Variants in KIRREL3 observed in about 807,000 individuals in gnomAD.
KIRREL3 encodes kirre like nephrin family adhesion molecule 3, also known as kin of IRRE-like protein 3.
KIRREL3 carries 36 observed loss-of-function variants against 89.7 expected under a neutral mutation model. The observed-to-expected ratio is 0.40, with a 90% confidence interval of 0.31 to 0.53. The LOEUF is 0.53. Among genes scored for constraint, KIRREL3 ranks in the 20% least tolerant of loss-of-function variants. The pLI is 0.49. For synonymous variants in KIRREL3, 445 were observed against 441.4 expected (o/e 1.01, Z -0.10); for missense variants, 864 against 1,056.6 (o/e 0.82, Z 2.53).
Position 126,454,185 on chromosome 11 carries a change from T to C in KIRREL3, c.848+2164A>G, listed in dbSNP as rs371821176. 4.9e-4 allele frequency among the ~76,000 whole-genome samples: 75 copies of C among 152,288 alleles called. No individual in the cohort carries two copies. Among genetic ancestry groups the C allele is most frequent in the African/African-American group, 1.0e-3 (42 of 41,562 alleles). On this transcript the variant is annotated intron_variant, in intron 7 of 16. Transcript: ENST00000525144. The surrounding 1 kb of genome is among the most constrained non-coding windows in gnomAD (Gnocchi z 5.8). ...ACCTTCTTCTCTTTCCTATTATTGCTGTTCTGCTTTTTTGAGGTTGGTGAC... is the reference window on the plus strand; with the variant it reads ...ACCTTCTTCTCTTTCCTATTATTGCCGTTCTGCTTTTTTGAGGTTGGTGAC...
intron 1 of KIRREL3, among the ~76,000 whole-genome samples, chr11:126,916,800 T>C (rs1947059094): frequency 6.6e-6 from 1 of 152,304 alleles, no homozygotes; most frequent in African/African-American, 2.4e-5. Context: ...TGGTCCAAAC[T>C]TCTCACATAT....
chr11:126,488,628 G>A (rs780748451), intron 4 of KIRREL3, among the ~76,000 whole-genome samples: 11 of 152,330 alleles, frequency 7.2e-5, no homozygotes, highest in Admixed American at 1.3e-4. Flanking sequence ...AAGGAGCCGC[G>A]GCTTCCAGTG....
At position 126,475,556 on chromosome 11, in the gene KIRREL3, G is replaced by A. The variant is rs964795412; in HGVS notation, c.434-2090C>T. The stretch of plus-strand genomic sequence containing the variant: ...AGCCATCACTGACCCCAGGGGCAGC[G>A]AGCCCCGGACTCCACCGAGATCCTG... On this transcript the variant is annotated intron_variant, in intron 4 of 16. Coordinates refer to ENST00000525144, the MANE Select transcript of KIRREL3 (RefSeq NM_032531.4). The surrounding 1 kb of genome is among the most constrained non-coding windows in gnomAD (Gnocchi z 7.5). Among the ~76,000 whole-genome samples the A allele has an allele frequency of 2.0e-5, 3 of 150,172 alleles. No homozygotes were observed. The highest frequency in any genetic ancestry group is 2.1e-4 in the South Asian group (1 of 4,668).
intron 12 of KIRREL3, among the ~76,000 whole-genome samples, chr11:126,436,520 C>A (rs1275176373): frequency 6.6e-6 from 1 of 152,266 alleles, no homozygotes; most frequent in Non-Finnish European, 1.5e-5. Context: ...TGCCACCAGC[C>A]TGCTCACTGT....
chr11:127,003,163 T>TA (rs1950345102), upstream of KIRREL3: 3 of 150,436 alleles, frequency 2.0e-5, no homozygotes, highest in Admixed American at 2.0e-4. Context: ...TGCCCGCCTC[T>TA]AAAAGGACCA....
rs1485003468 is a variant in KIRREL3 at position 126,557,846 on chromosome 11, C to T, written c.133+4989G>A. On this transcript the variant is annotated intron_variant, in intron 2 of 16. Coordinates refer to ENST00000525144, the MANE Select transcript of KIRREL3 (RefSeq NM_032531.4). This position sits in a 1 kb window ranked among gnomAD's most constrained non-coding sequence, Gnocchi z 5.6. Reference sequence around the variant, plus strand: ...CACAGTGCTGTTCGGGAGCTGTGGGCCATGCAAGAGGCTGCTAGTTATTTA... The same window carrying T: ...CACAGTGCTGTTCGGGAGCTGTGGGTCATGCAAGAGGCTGCTAGTTATTTA... 1.3e-5 allele frequency among the ~76,000 whole-genome samples: 2 copies of T among 152,144 alleles called. No homozygotes were observed.
intron 1 of KIRREL3, among the ~76,000 whole-genome samples, chr11:126,590,138 C>T (rs1160247216): frequency 6.6e-6 from 1 of 152,230 alleles, no homozygotes; most frequent in East Asian, 1.9e-4. Context: ...TTATACAGGC[C>T]TGCCTCTTCC....
rs1000154490 is a variant in KIRREL3, at chr11:126,563,110, C to A, written c.56-198G>T. On this transcript the variant is annotated intron_variant, in intron 1 of 16. Coordinates refer to ENST00000525144, the MANE Select transcript of KIRREL3 (RefSeq NM_032531.4). The surrounding 1 kb of genome is among the most constrained non-coding windows in gnomAD (Gnocchi z 6.8). The stretch of plus-strand genomic sequence containing the variant: ...TCTTCATTTTGATTCTCATAACAAC[C>A]CTGTGAAGGATGTTTCCCCATTTTC... Among the ~76,000 whole-genome samples the A allele has an allele frequency of 6.6e-6, 1 of 152,162 alleles. No individual in the cohort carries two copies. The highest frequency in any genetic ancestry group is 1.9e-4 in the East Asian group (1 of 5,202).
intron 2 of KIRREL3, among the ~76,000 whole-genome samples, chr11:126,539,455 G>A (rs1045551351): frequency 1.3e-5 from 2 of 152,178 alleles, no homozygotes; most frequent in Non-Finnish European, 2.9e-5. Context: ...ACAGGGAGGA[G>A]GATGAATGAA....
At position 126,802,177 on chromosome 11, in the gene KIRREL3, C is replaced by T. The variant is rs977029641; in HGVS notation, c.55+198278G>A. 2.0e-5 allele frequency among the ~76,000 whole-genome samples: 3 copies of T among 152,072 alleles called. No individual in the cohort carries two copies. The highest frequency in any genetic ancestry group is 7.2e-5 in the African/African-American group (3 of 41,410). On this transcript the variant is annotated intron_variant, in intron 1 of 16. Coordinates refer to ENST00000525144, the MANE Select transcript of KIRREL3 (RefSeq NM_032531.4). The surrounding 1 kb of genome is among the most constrained non-coding windows in gnomAD (Gnocchi z 5.2). ...GTCGTTTACCAGGTGCCTTAACCAT[C>T]TGCTTGCAGTTTTTCTTCCTTTCTT... is the stretch of plus-strand genomic sequence containing the variant.
At position 126,906,604 on chromosome 11, in the gene KIRREL3, C is replaced by T. The variant is rs1355095224; in HGVS notation, c.55+93851G>A. Among the ~76,000 whole-genome samples, 1 of 128,356 alleles carries T rather than the reference C, an allele frequency of 7.8e-6. No homozygotes were observed. Among genetic ancestry groups the T allele is most frequent in the Admixed American group, 8.0e-5 (1 of 12,484 alleles). The allele number at this position is 128,356 out of a possible 152,430, so 84.2% of individuals were successfully genotyped here. A position where few individuals can be genotyped will look rare whatever the true frequency, so the allele number is the denominator to read the frequency against. On this transcript the variant is annotated intron_variant, in intron 1 of 16. Transcript: ENST00000525144. The surrounding 1 kb of genome is among the most constrained non-coding windows in gnomAD (Gnocchi z 4.1). The stretch of plus-strand genomic sequence containing the variant: ...TTTTGTTTTTGTTTTTGCTTCAGAT[C>T]TCCTTTCCTTTCACTGTTTTTTTTA...
At chr11:126,941,438 G>A (rs972477715) in intron 1 of KIRREL3, among the ~76,000 whole-genome samples, 1 of 152,202 alleles carries the variant, frequency 6.6e-6, no homozygotes, top group Non-Finnish European at 1.5e-5. Context: ...TCCTAACCCA[G>A]ACTCATGATC....
chr11:126,845,510 C>A (rs1044163794), intron 1 of KIRREL3, among the ~76,000 whole-genome samples: 1 of 151,948 alleles, frequency 6.6e-6, no homozygotes, highest in African/African-American at 2.4e-5. Flanking sequence ...AAGAGGGGTA[C>A]CTTAGGATAG....
At chr11:126,479,232 C>T (rs895412976) in intron 4 of KIRREL3, among the ~76,000 whole-genome samples, 6 of 152,134 alleles carry the variant, frequency 3.9e-5, no homozygotes, top group African/African-American at 1.4e-4. Flanking sequence ...GGTGCATCTC[C>T]CACACCTTCA....
intron 1 of KIRREL3, among the ~76,000 whole-genome samples, chr11:126,938,552 C>A (rs147309834): frequency 2.0e-5 from 3 of 152,210 alleles, no homozygotes; most frequent in Non-Finnish European, 4.4e-5. Flanking sequence ...AACATACTTC[C>A]TAGGATTAGG....
At chr11:126,751,573 T>C (rs1949336546) in intron 1 of KIRREL3, among the ~76,000 whole-genome samples, 1 of 152,086 alleles carries the variant, frequency 6.6e-6, no homozygotes, top group African/African-American at 2.4e-5. Flanking sequence ...TGTGAGATCT[T>C]AGGGGGGCAA....
chr11:126,833,037 G>A (rs1032317305), intron 1 of KIRREL3, among the ~76,000 whole-genome samples: 5 of 152,224 alleles, frequency 3.3e-5, no homozygotes, highest in Admixed American at 1.3e-4. Context: ...GTCCGTGTGC[G>A]GCTGTCCATA....
chr11:126,617,071 T>G (rs2134822792), intron 1 of KIRREL3, among the ~76,000 whole-genome samples: 1 of 152,334 alleles, frequency 6.6e-6, no homozygotes, highest in East Asian at 1.9e-4. Context: ...AGGTTGGAGG[T>G]TGGGGGCTTA....
intron 6 of KIRREL3, among the ~76,000 whole-genome samples, chr11:126,461,023 C>T (rs1019674645): frequency 1.1e-4 from 17 of 152,184 alleles, no homozygotes; most frequent in South Asian, 2.1e-4. Context: ...TGTCTCCCGC[C>T]CTCTCCCCTT....
Sources: allele counts gnomAD v4.1 joint callset (sites outside exome capture counted in the v4.1 genomes callset), GRCh38; gene constraint gnomAD v4.1.1; non-coding constraint Gnocchi (gnomAD v3.1); transcripts MANE v1.5; gene names NCBI Gene and HGNC (gene_info 2026-07-23, HGNC 2026-07-21).